The following TANGO6 variants were observed in gnomAD, a reference collection of about 807,000 sequenced individuals.
The protein encoded by TANGO6 is transport and Golgi organization protein 6 homolog.
A neutral mutation model predicts 114.2 loss-of-function variants in TANGO6; 90 were observed. The observed-to-expected ratio is 0.79, with a 90% CI of 0.66 to 0.94. The LOEUF is 0.94. Among genes scored for constraint, TANGO6 ranks in the 40% least tolerant of loss-of-function variants. The probability of loss-of-function intolerance (pLI) is 0.00; values close to 1 mark genes in which losing one functional copy is unlikely to be tolerated. For synonymous variants in TANGO6, 477 were observed against 509.8 expected (o/e 0.94, Z 0.87); for missense variants, 1,274 against 1,315.3 (o/e 0.97, Z 0.49).
chr16:68,962,786 A>G (rs1432492429), intron 14 of TANGO6, among the ~76,000 whole-genome samples: 4 of 151,906 alleles, frequency 2.6e-5, no homozygotes, highest in Non-Finnish European at 5.9e-5. Context: ...AATAAAATAA[A>G]GAGTCAAAAA....
At chr16:69,054,187 T>C (rs2152238035) in intron 17 of TANGO6, among the ~76,000 whole-genome samples, 1 of 152,334 alleles carries the variant, frequency 6.6e-6, no homozygotes, top group East Asian at 1.9e-4. Flanking sequence ...CTTTCACTTA[T>C]CCTCCTGTTT....
At chr16:68,993,854 A>G (rs975379309) in intron 15 of TANGO6, among the ~76,000 whole-genome samples, 2 of 152,130 alleles carry the variant, frequency 1.3e-5, no homozygotes, top group African/African-American at 4.8e-5. Flanking sequence ...CAAACCTAGA[A>G]TTTTTCCTTC....
chr16:68,860,264 C>A lies in TANGO6; in HGVS notation c.475C>A (p.Pro159Thr). The stretch of plus-strand genomic sequence containing the variant: ...GTTTGTAGTTACCTTGGGTATCTGC[C>A]CCTATCTCATGCCTGGTGTTGGAGT... ...LQFVVTLGIC[P>T]YLMPGVGVPL... is the part of the protein sequence containing the mutation. Residue 159 changes from proline (P) to threonine (T), a missense_variant, in exon 2 of 18, where the codon CCC becomes ACC. Around this residue, in one of 5 missense-constraint regions of TANGO6, gnomAD observed 908 missense variants for 910.2 expected, o/e 1.00. Coordinates refer to ENST00000261778, the MANE Select transcript of TANGO6 (RefSeq NM_024562.2). The A allele has an allele frequency of 6.2e-7, 1 of 1,613,942 alleles. No homozygotes were observed.
chr16:69,001,173 A>G (rs1037596535), intron 15 of TANGO6, among the ~76,000 whole-genome samples: 1 of 152,216 alleles, frequency 6.6e-6, no homozygotes, highest in East Asian at 1.9e-4. Flanking sequence ...AGAATGGCCT[A>G]TAAAGTCTGA....
intron 17 of TANGO6, among the ~76,000 whole-genome samples, chr16:69,041,234 G>C (rs1959769197): frequency 6.6e-6 from 1 of 151,988 alleles, no homozygotes; most frequent in Non-Finnish European, 1.5e-5. Context: ...ATCACCTGAG[G>C]TCAGGAGTTC....
At chr16:69,042,769 T>C (rs1959793524) in intron 17 of TANGO6, among the ~76,000 whole-genome samples, 2 of 152,208 alleles carry the variant, frequency 1.3e-5, no homozygotes, top group Admixed American at 6.5e-5. Flanking sequence ...TTAAGAAGAA[T>C]CAGTGTTTTT....
At chr16:69,020,887 C>A (rs1003903362) in intron 15 of TANGO6, among the ~76,000 whole-genome samples, 2 of 137,076 alleles carry the variant, frequency 1.5e-5, no homozygotes, top group East Asian at 4.2e-4. Context: ...ACCCACCCCC[C>A]CTTTATATAT....
chr16:68,949,546 G>A (rs8045361), intron 14 of TANGO6, among the ~76,000 whole-genome samples: 59,972 of 151,630 alleles, frequency 0.4, 12,230 homozygotes, highest in African/African-American at 0.5. Context: ...GCTTGAACCC[G>A]GGAAGCAGAG....
intron 7 of TANGO6, among the ~76,000 whole-genome samples, chr16:68,889,607 C>T (rs1567532910): frequency 1.3e-5 from 2 of 152,118 alleles, no homozygotes; most frequent in Admixed American, 6.6e-5. Flanking sequence ...GAACTGTGAC[C>T]TTGAATTACA....
At chr16:68,917,302 C>T (rs1963019609) in intron 11 of TANGO6, among the ~76,000 whole-genome samples, 1 of 152,060 alleles carries the variant, frequency 6.6e-6, no homozygotes, top group South Asian at 2.1e-4. Flanking sequence ...ATGCATTCAC[C>T]TACTGAAGGA....
At chr16:68,884,082 G>A (rs368156343) in intron 7 of TANGO6, among the ~76,000 whole-genome samples, 14 of 152,084 alleles carry the variant, frequency 9.2e-5, no homozygotes, top group African/African-American at 2.7e-4. Context: ...GCTAATTTTT[G>A]TATTTTTTGT....
At chr16:68,992,041 C>T (rs1210598862) in intron 15 of TANGO6, among the ~76,000 whole-genome samples, 2 of 151,926 alleles carry the variant, frequency 1.3e-5, no homozygotes, top group Admixed American at 1.3e-4. Context: ...TTATAATCCA[C>T]CCAGCAACTA....
In TANGO6 at chr16:68,980,383, T is replaced by TCTCTCTCTCTCTCTCTCTCTCTCTCTCTC. The variant is rs1555526453; in HGVS notation, c.2842+6215_2842+6216insCTCTCTCTCTCTCTCTCTCTCTCTCTCTC. Among the ~76,000 whole-genome samples the TCTCTCTCTCTCTCTCTCTCTCTCTCTCTC allele has an allele frequency of 8.1e-5, 3 of 36,858 alleles. 1 individual carries two copies. Among genetic ancestry groups the TCTCTCTCTCTCTCTCTCTCTCTCTCTCTC allele is most frequent in the African/African-American group, 3.2e-4 (3 of 9,416 alleles). 24.2% of individuals were successfully genotyped at this position (36,858 alleles called of 152,430 possible). A position where few individuals can be genotyped will look rare whatever the true frequency, so the allele number is the denominator to read the frequency against. On this transcript the variant is annotated intron_variant, in intron 15 of 17. Coordinates refer to ENST00000261778, the MANE Select transcript of TANGO6 (RefSeq NM_024562.2). ...TGAGTATGAATCTATCTGTCTGTCA[T>TCTCTCTCTCTCTCTCTCTCTCTCTCTCTC]TCTCTCTCTCTCTCTCTCTCTCTCT... is the stretch of plus-strand genomic sequence containing the variant.
At chr16:68,859,794 G>T in intron 1 of TANGO6, 90 bp from the exon 2 acceptor site, 1 of 1,392,048 alleles carries the variant, frequency 7.2e-7, no homozygotes, top group East Asian at 2.4e-5. Flanking sequence ...CGGCCTGCGA[G>T]GATGAACTGG....
At chr16:68,877,300 T>A (rs1211931292) in intron 5 of TANGO6, among the ~76,000 whole-genome samples, 1 of 151,880 alleles carries the variant, frequency 6.6e-6, no homozygotes, top group African/African-American at 2.4e-5. Context: ...AAACCCCGTC[T>A]CTACTAAAAA....
intron 15 of TANGO6, among the ~76,000 whole-genome samples, chr16:68,995,433 C>A (rs1483575625): frequency 6.6e-6 from 1 of 152,174 alleles, no homozygotes; most frequent in Admixed American, 6.5e-5. Flanking sequence ...TCATCAAGAC[C>A]AGAAGATGGC....
intron 11 of TANGO6, among the ~76,000 whole-genome samples, chr16:68,915,297 C>T (rs1158345740): frequency 6.6e-6 from 1 of 152,054 alleles, no homozygotes; most frequent in Non-Finnish European, 1.5e-5. Context: ...CAGGGTCTCA[C>T]TCTTTGTTGC....
At chr16:69,054,511 G>A (rs1960002500) in intron 17 of TANGO6, among the ~76,000 whole-genome samples, 2 of 152,128 alleles carry the variant, frequency 1.3e-5, no homozygotes, top group Admixed American at 6.5e-5. Context: ...CATCCAGACT[G>A]GGACACTTTT....
intron 7 of TANGO6, among the ~76,000 whole-genome samples, chr16:68,887,696 G>A (rs1231558291): frequency 6.6e-6 from 1 of 152,078 alleles, no homozygotes; most frequent in Non-Finnish European, 1.5e-5. Flanking sequence ...GGCCAGCATG[G>A]TGAAACCCTG....
Sources: allele counts gnomAD v4.1 joint callset (sites outside exome capture counted in the v4.1 genomes callset), GRCh38; gene constraint gnomAD v4.1.1; regional missense constraint gnomAD v4.1.1; transcripts MANE v1.5; gene names NCBI Gene and HGNC (gene_info 2026-07-23, HGNC 2026-07-21).